The following ZBTB8B variants were observed in gnomAD, a reference collection of about 807,000 sequenced individuals.
The protein encoded by ZBTB8B is zinc finger and BTB domain-containing protein 8B.
A neutral mutation model predicts 30.3 loss-of-function variants in ZBTB8B; 17 were observed. That is an observed-to-expected ratio of 0.56 (90% CI 0.38 to 0.84). The LOEUF (loss-of-function observed/expected upper bound fraction) is 0.84, where lower values mean the gene tolerates loss of function less well. Among genes scored for constraint, ZBTB8B ranks in the 40% least tolerant of loss-of-function variants. The pLI is 0.00. For missense variants in ZBTB8B, 515 were observed against 644.9 expected (o/e 0.80, Z 2.18); for synonymous variants, 248 against 255.6 (o/e 0.97, Z 0.28).
chr1:32,483,244 C>CAAAAAAAAAAAAAAA (rs59559091), intron 3 of ZBTB8B, among the ~76,000 whole-genome samples: 1 of 56,370 alleles, frequency 1.8e-5, no homozygotes, highest in Non-Finnish European at 2.8e-5. Context: ...ACTAAAAATC[C>CAAAAAAAAAAAAAAA]AAAAAAAAAA....
Position 32,465,906 on chromosome 1 carries a change from CAT to C in ZBTB8B, c.-42+802_-42+803del, listed in dbSNP as rs1643566791. On this transcript the variant is annotated intron_variant, in intron 1 of 3. Transcript: ENST00000609129. The surrounding 1 kb of genome is among the most constrained non-coding windows in gnomAD (Gnocchi z 4.1). ...AACTAATGTGCTTGTAAAAGCCAGG[CAT>C]GGTGGCGCGCACCTGTAGTCCCTGC... Among the ~76,000 whole-genome samples the C allele has an allele frequency of 6.6e-6, 1 of 152,142 alleles. No homozygotes were observed. Among genetic ancestry groups the C allele is most frequent in the Non-Finnish European group, 1.5e-5 (1 of 68,018 alleles).
In ZBTB8B at chr1:32,483,248, A is replaced by C. The variant is rs1410217540; in HGVS notation, c.1171-1853A>C. Among the ~76,000 whole-genome samples the C allele has an allele frequency of 3.7e-3, 509 of 136,314 alleles. 38 individuals are homozygous for C. Among genetic ancestry groups the C allele is most frequent in the African/African-American group, 0.013 (469 of 35,546 alleles). 89.4% of individuals were successfully genotyped at this position (136,314 alleles called of 152,430 possible). A position where few individuals can be genotyped will look rare whatever the true frequency, so the allele number is the denominator to read the frequency against. ...ACCCCTTATCTACTAAAAATCCAAA[A>C]AAAAAAAAAAAAAAAAAAAAAAAAA... On this transcript the variant is annotated intron_variant, in intron 3 of 3. Coordinates refer to ENST00000609129, the MANE Select transcript of ZBTB8B (RefSeq NM_001145720.2).
At chr1:32,472,842 C>A (rs1643634949) in intron 2 of ZBTB8B, among the ~76,000 whole-genome samples, 3 of 152,248 alleles carry the variant, frequency 2.0e-5, no homozygotes, top group South Asian at 4.1e-4. Context: ...GTCTCAAACT[C>A]CTGACCTCAA....
chr1:32,482,562 T>C (rs922829464), intron 3 of ZBTB8B, among the ~76,000 whole-genome samples: 8 of 148,984 alleles, frequency 5.4e-5, no homozygotes, highest in African/African-American at 2.0e-4. Flanking sequence ...TCCCAGCTAC[T>C]CAGGAGGCTC....
In ZBTB8B at chr1:32,465,290, G is replaced by A. The variant is rs946451769; in HGVS notation, c.-42+185G>A. Among the ~76,000 whole-genome samples the A allele has an allele frequency of 6.6e-6, 1 of 152,260 alleles. No homozygotes were observed. Among genetic ancestry groups the A allele is most frequent in the African/African-American group, 2.4e-5 (1 of 41,474 alleles). ...CGCCCCGCGAGCCCTTCTAGCGTGG[G>A]GAGGGGCAGGCGCGGCCGTGGGGCC... On this transcript the variant is annotated intron_variant, in intron 1 of 3. Coordinates refer to ENST00000609129, the MANE Select transcript of ZBTB8B (RefSeq NM_001145720.2). This position sits in a 1 kb window ranked among gnomAD's most constrained non-coding sequence, Gnocchi z 4.1.
At chr1:32,474,912 AT>A (rs1643651401) in intron 2 of ZBTB8B, among the ~76,000 whole-genome samples, 1 of 152,198 alleles carries the variant, frequency 6.6e-6, no homozygotes, top group South Asian at 2.1e-4. Flanking sequence ...CAGTGCAATG[AT>A]TTTTTTCTTT....
chr1:32,470,878 C>T lies in ZBTB8B; in HGVS notation c.254C>T (p.Ser85Phe). 1 of 1,551,996 alleles carries T rather than the reference C, an allele frequency of 6.4e-7. No homozygotes were observed. The part of the protein sequence containing the change: ...AFSIILDFLY[S>F]GKLDLCGENV... ...TCCATCATCTTAGATTTCCTCTATT[C>T]TGGGAAGTTGGATTTGTGTGGGGAG... The change falls in exon 2 of 4, where the codon TCT becomes TTT. Residue 85 changes from serine (S) to phenylalanine (F), a missense_variant. Ser to Phe is a radical substitution (Grantham distance 155, BLOSUM62 -2). Coordinates refer to ENST00000609129, the MANE Select transcript of ZBTB8B (RefSeq NM_001145720.2).
intron 3 of ZBTB8B, among the ~76,000 whole-genome samples, chr1:32,483,746 G>C (rs1469520381): frequency 6.6e-5 from 10 of 151,244 alleles, no homozygotes; most frequent in Admixed American, 6.6e-4. Flanking sequence ...TGTCCAATGA[G>C]AGGGAAAAAA....
In ZBTB8B at chr1:32,469,246, A is replaced by ATTTTTTTTTTTTTT. The variant is rs541160413; in HGVS notation, c.-41-1334_-41-1321dup. 1.0e-4 allele frequency among the ~76,000 whole-genome samples: 12 copies of ATTTTTTTTTTTTTT among 117,346 alleles called. 1 individual carries two copies. The highest frequency in any genetic ancestry group is 3.9e-4 in the African/African-American group (11 of 28,068). 77.0% of individuals were successfully genotyped at this position (117,346 alleles called of 152,430 possible). Reference sequence around the variant, plus strand: ...TTGATACACTAAACACTCAAGTATAATTTTTTTTTTTTTTTTTGAGACAGA... The same window carrying ATTTTTTTTTTTTTT: ...TTGATACACTAAACACTCAAGTATAATTTTTTTTTTTTTTTTTTTTTTTTTTTTTTTGAGACAGA... On this transcript the variant is annotated intron_variant, in intron 1 of 3. Transcript: ENST00000609129.
Position 32,489,707 on chromosome 1 carries a change from C to T in ZBTB8B, c.*4289C>T, listed in dbSNP as rs184187257. 1 of 152,282 alleles carries T rather than the reference C, an allele frequency of 6.6e-6. No individual in the cohort carries two copies. Among genetic ancestry groups the T allele is most frequent in the Non-Finnish European group, 1.5e-5 (1 of 68,032 alleles). 9.4% of individuals were successfully genotyped at this position (152,282 alleles called of 1,614,324 possible). Reference sequence around the variant, plus strand: ...GTATTGCATGAATGGGAACAGGACTCTTACTTGTAATGGAATTCCAAAATG... The same window carrying T: ...GTATTGCATGAATGGGAACAGGACTTTTACTTGTAATGGAATTCCAAAATG... On this transcript the variant is annotated 3_prime_UTR_variant, in exon 4 of 4. Coordinates refer to ENST00000609129, the MANE Select transcript of ZBTB8B (RefSeq NM_001145720.2).
rs1190494591 is a variant in ZBTB8B at position 32,492,363 on chromosome 1, T to A, written c.*6945T>A. 6.7e-6 allele frequency: 1 copy of A among 148,506 alleles called. No homozygotes were observed. Among genetic ancestry groups the A allele is most frequent in the Non-Finnish European group, 1.5e-5 (1 of 68,630 alleles). The allele number at this position is 148,506 out of a possible 1,614,324, so 9.2% of individuals were successfully genotyped here. On this transcript the variant is annotated 3_prime_UTR_variant, in exon 4 of 4. Coordinates refer to ENST00000609129, the MANE Select transcript of ZBTB8B (RefSeq NM_001145720.2). ...TTGTTGCCAGGCTGGAGTGCAGTGG[T>A]GCAATCTCGGCTCACCACAACCTCC...
rs905467137 is a variant in ZBTB8B at position 32,488,410 on chromosome 1, C to T, written c.*2992C>T. Reference sequence around the variant, plus strand: ...ACTTTTCTACCTCATAGTTCAGCCTCTTTGCCTGCTTTCTCCAGTGGAGCT... The same window carrying T: ...ACTTTTCTACCTCATAGTTCAGCCTTTTTGCCTGCTTTCTCCAGTGGAGCT... On this transcript the variant is annotated 3_prime_UTR_variant, in exon 4 of 4. Coordinates refer to ENST00000609129, the MANE Select transcript of ZBTB8B (RefSeq NM_001145720.2). 4.6e-5 allele frequency: 7 copies of T among 152,238 alleles called. No homozygotes were observed. The highest frequency in any genetic ancestry group is 1.7e-4 in the African/African-American group (7 of 41,460). 9.4% of individuals were successfully genotyped at this position (152,238 alleles called of 1,614,324 possible).
rs1557685012 is a variant in ZBTB8B at position 32,488,795 on chromosome 1, G to GTATT, written c.*3391_*3394dup. ...TTATTTATTTTTAATTTTATTTTAT[G>GTATT]TATTTATTTATTTATTTTGAGATGG... On this transcript the variant is annotated 3_prime_UTR_variant, in exon 4 of 4. Coordinates refer to ENST00000609129, the MANE Select transcript of ZBTB8B (RefSeq NM_001145720.2). The GTATT allele has an allele frequency of 6.6e-6, 1 of 151,830 alleles. No homozygotes were observed. The highest frequency in any genetic ancestry group is 1.9e-4 in the East Asian group (1 of 5,202). The allele number at this position is 151,830 out of a possible 1,614,324, so 9.4% of individuals were successfully genotyped here.
At chr1:32,472,988 T>C (rs1643635799) in intron 2 of ZBTB8B, among the ~76,000 whole-genome samples, 1 of 152,244 alleles carries the variant, frequency 6.6e-6, no homozygotes. Flanking sequence ...GGTGGGCTTT[T>C]GCGTTTTAAG....
At chr1:32,469,179 A>G (rs1643596674) in intron 1 of ZBTB8B, among the ~76,000 whole-genome samples, 8 of 151,954 alleles carry the variant, frequency 5.3e-5, no homozygotes, top group Admixed American at 5.3e-4. Context: ...CTTGGGCGAC[A>G]GACCCAAGAC....
intron 2 of ZBTB8B, among the ~76,000 whole-genome samples, chr1:32,479,005 G>C (rs998343331): frequency 1.3e-5 from 2 of 152,178 alleles, no homozygotes; most frequent in Non-Finnish European, 2.9e-5. Context: ...CCACAATCCT[G>C]TGAGGTGGGA....
intron 2 of ZBTB8B, among the ~76,000 whole-genome samples, chr1:32,477,732 T>C (rs1216142863): frequency 1.3e-5 from 2 of 148,212 alleles, no homozygotes; most frequent in Non-Finnish European, 3.0e-5. Context: ...TGAGACTCTG[T>C]CTCTACAAAA....
chr1:32,469,315 A>G (rs2148179843), intron 1 of ZBTB8B, among the ~76,000 whole-genome samples: 1 of 142,016 alleles, frequency 7.0e-6, no homozygotes, highest in East Asian at 2.1e-4. Flanking sequence ...GCGCAGTCTC[A>G]GCTCACTGCA....
chr1:32,485,613 G>A lies in ZBTB8B; in HGVS notation c.*195G>A, dbSNP rs1456794257. ...AGGACAGATAACCTTTTTGTGTGGTGCCCTTGGTTTCTGAGGGCTTTGCTG... is the reference window on the plus strand; with the variant it reads ...AGGACAGATAACCTTTTTGTGTGGTACCCTTGGTTTCTGAGGGCTTTGCTG... On this transcript the variant is annotated 3_prime_UTR_variant, in exon 4 of 4. Coordinates refer to ENST00000609129, the MANE Select transcript of ZBTB8B (RefSeq NM_001145720.2). 1.6e-6 allele frequency: 1 copy of A among 622,316 alleles called. No individual in the cohort carries two copies. The highest frequency in any genetic ancestry group is 2.7e-6 in the Non-Finnish European group (1 of 366,184). 38.5% of individuals were successfully genotyped at this position (622,316 alleles called of 1,614,324 possible).
Sources: allele counts gnomAD v4.1 joint callset (sites outside exome capture counted in the v4.1 genomes callset), GRCh38; gene constraint gnomAD v4.1.1; non-coding constraint Gnocchi (gnomAD v3.1); transcripts MANE v1.5; gene names NCBI Gene and HGNC (gene_info 2026-07-23, HGNC 2026-07-21).